NELL1: variants seen among roughly 807,000 people sequenced by gnomAD.
NELL1 encodes neural EGFL like 1.
NELL1 carries 76 observed loss-of-function variants against 107.4 expected under a neutral mutation model. The observed-to-expected ratio is 0.71, with a 90% confidence interval of 0.59 to 0.86. The LOEUF (loss-of-function observed/expected upper bound fraction) is 0.86. Ranked by LOEUF, NELL1 falls within the 40% of genes least tolerant of loss-of-function variation. The pLI is 0.00. For missense variants in NELL1, 1,024 were observed against 1,005.5 expected, an observed-to-expected ratio of 1.02 and a Z score of -0.25; for synonymous variants, 353 against 341.2, an observed-to-expected ratio of 1.03 and a Z score of -0.38.
intron 4 of NELL1, among the ~76,000 whole-genome samples, chr11:20,875,621 C>A (rs954771521): frequency 2.6e-5 from 4 of 152,258 alleles, no homozygotes; most frequent in African/African-American, 9.6e-5. Flanking sequence ...AGCATACTTT[C>A]TATTATTTTG....
At chr11:20,674,094 G>A (rs1278045910) in intron 1 of NELL1, among the ~76,000 whole-genome samples, 1 of 152,144 alleles carries the variant, frequency 6.6e-6, no homozygotes, top group East Asian at 1.9e-4. Context: ...CATAATAAAA[G>A]CAATACACTT....
At chr11:21,500,105 T>G (rs1292871833) in intron 15 of NELL1, among the ~76,000 whole-genome samples, 1 of 152,126 alleles carries the variant, frequency 6.6e-6, no homozygotes, top group Non-Finnish European at 1.5e-5. Flanking sequence ...TTTGATCATC[T>G]GAAAAATATT....
At chr11:20,675,921 G>T (rs1590197041) in intron 1 of NELL1, among the ~76,000 whole-genome samples, 1 of 151,964 alleles carries the variant, frequency 6.6e-6, no homozygotes, top group East Asian at 1.9e-4. Context: ...CTAATTTTTT[G>T]ATCTTTTTGT....
chr11:21,373,971 G>T lies in NELL1; in HGVS notation c.1645+3023G>T, dbSNP rs567234938. ...AATGCTCTCTTCTCAACCTGGCTAA[G>T]AACTAAAAGGACAGAATGCCACACG... is the stretch of plus-strand genomic sequence containing the variant. On this transcript the variant is annotated intron_variant, in intron 15 of 19. Transcript: ENST00000357134. Among the ~76,000 whole-genome samples, 3 of 152,100 alleles carry T rather than the reference G, an allele frequency of 2.0e-5. No individual in the cohort carries two copies. In the East Asian group the frequency reaches 5.8e-4, roughly 30 times the overall value.
chr11:21,092,045 G>A (rs1359733450), intron 12 of NELL1, among the ~76,000 whole-genome samples: 1 of 152,162 alleles, frequency 6.6e-6, no homozygotes, highest in Non-Finnish European at 1.5e-5. Context: ...CAGATGGAAG[G>A]AACAGGATGA....
chr11:21,131,409 G>T (rs541866505), intron 13 of NELL1, among the ~76,000 whole-genome samples: 2 of 152,250 alleles, frequency 1.3e-5, no homozygotes, highest in East Asian at 3.9e-4. Context: ...GTATTAGAGA[G>T]ACTATTTTAA....
At chr11:21,481,433 A>G (rs2133900361) in intron 15 of NELL1, among the ~76,000 whole-genome samples, 1 of 152,300 alleles carries the variant, frequency 6.6e-6, no homozygotes, top group Non-Finnish European at 1.5e-5. Context: ...GCATGACTTA[A>G]TAATGGTCTT....
At chr11:20,694,966 C>T (rs576677663) in intron 2 of NELL1, among the ~76,000 whole-genome samples, 4 of 152,054 alleles carry the variant, frequency 2.6e-5, no homozygotes, top group Non-Finnish European at 4.4e-5. Context: ...CTATAGTTTC[C>T]TTTAGCAGTG....
intron 5 of NELL1, among the ~76,000 whole-genome samples, chr11:20,912,907 C>T (rs1011785746): frequency 3.3e-5 from 5 of 152,090 alleles, no homozygotes; most frequent in African/African-American, 1.2e-4. Flanking sequence ...AGTCACAGAA[C>T]TGGGGAATCT....
intron 13 of NELL1, among the ~76,000 whole-genome samples, chr11:21,136,599 A>C (rs1336791097): frequency 6.6e-6 from 1 of 152,196 alleles, no homozygotes; most frequent in Non-Finnish European, 1.5e-5. Context: ...TATTTAAGTG[A>C]GGAGACAAAT....
intron 1 of NELL1, chr11:20,670,802 CTG>C (rs200614168): frequency 0.082 from 12,478 of 152,374 alleles, 720 homozygotes; most frequent in South Asian, 0.14. Context: ...ACCCCAGAAT[CTG>C]TGTGGTCATT....
chr11:21,545,416 A>G (rs576017438), intron 16 of NELL1, among the ~76,000 whole-genome samples: 2 of 152,102 alleles, frequency 1.3e-5, no homozygotes, highest in East Asian at 3.9e-4. Flanking sequence ...AAAGGAAGAC[A>G]TGGGTTGGGG....
At chr11:20,692,712 G>A (rs922783475) in intron 2 of NELL1, among the ~76,000 whole-genome samples, 3 of 151,888 alleles carry the variant, frequency 2.0e-5, no homozygotes, top group Non-Finnish European at 4.4e-5. Context: ...CCAACTATGT[G>A]GTCAATTTTG....
At chr11:21,429,496 G>C (rs182486241) in intron 15 of NELL1, among the ~76,000 whole-genome samples, 92 of 152,278 alleles carry the variant, frequency 6.0e-4, no homozygotes, top group African/African-American at 1.9e-3. Flanking sequence ...GGGCAAAGGG[G>C]CTTCAATCCT....
chr11:20,783,803 T>A lies in NELL1; in HGVS notation c.308T>A (p.Ile103Lys). Residue 103 changes from isoleucine (I) to lysine (K), a missense_variant, in exon 3 of 20, where the codon ATA becomes AAA. By Grantham distance (102) the Ile-to-Lys change is moderately radical. Coordinates refer to ENST00000357134, the MANE Select transcript of NELL1 (RefSeq NM_006157.5). The stretch of plus-strand genomic sequence containing the variant: ...CAGAAGCCATCCACTTCAGGAGTGA[T>A]ACTGTCCATTCGAGAACTGGAGCAC... ...VQQKPSTSGV[I>K]LSIRELEHSY... The A allele has an allele frequency of 6.2e-7, 1 of 1,613,626 alleles. No individual in the cohort carries two copies. Among genetic ancestry groups the A allele is most frequent in the Non-Finnish European group, 8.5e-7 (1 of 1,179,816 alleles).
chr11:21,529,750 C>T lies in NELL1; in HGVS notation c.1646-4624C>T, dbSNP rs1248885218. On this transcript the variant is annotated intron_variant, in intron 15 of 19. Transcript: ENST00000357134. ...TTATATATATTTTTATTTTCAGAAT[C>T]AACTTATTCTGTCTTCTGTTTTATA... 5.3e-5 allele frequency among the ~76,000 whole-genome samples: 8 copies of T among 152,150 alleles called. No homozygotes were observed. The East Asian group carries it at 1.5e-3, about 29-fold the overall frequency.
chr11:21,037,453 A>G (rs543010737), intron 12 of NELL1, among the ~76,000 whole-genome samples: 276 of 152,270 alleles, frequency 1.8e-3, no homozygotes, highest in African/African-American at 6.5e-3. Context: ...ATATTTTTAT[A>G]TATACAAGGA....
At chr11:20,707,216 T>C (rs550357831) in intron 2 of NELL1, among the ~76,000 whole-genome samples, 57 of 152,310 alleles carry the variant, frequency 3.7e-4, no homozygotes, top group African/African-American at 1.3e-3. Context: ...CTCTATCAGG[T>C]CATTTAAGGT....
At chr11:21,394,247 G>A (rs892665025) in intron 15 of NELL1, among the ~76,000 whole-genome samples, 4 of 151,528 alleles carry the variant, frequency 2.6e-5, no homozygotes, top group African/African-American at 9.7e-5. Flanking sequence ...AACTTTAAGT[G>A]CTAATAAGCA....
Sources: gnomAD v4.1 joint callset for allele counts (sites outside exome capture counted in the v4.1 genomes callset) on GRCh38, gnomAD v4.1.1 for gene constraint, MANE v1.5 for transcripts, NCBI Gene and HGNC (gene_info 2026-07-23, HGNC 2026-07-21) for gene names.